NSMCE2: variants seen among roughly 807,000 people sequenced by gnomAD.
NSMCE2 encodes the protein E3 SUMO-protein ligase NSE2.
NSMCE2 carries 24 observed loss-of-function variants against 23.8 expected under a neutral mutation model. The observed-to-expected ratio is 1.01, with a 90% CI of 0.73 to 1.42. NSMCE2 has a LOEUF of 1.42. Among genes scored for constraint, NSMCE2 ranks in the 40% most tolerant of loss-of-function variants. The pLI is 0.00. For synonymous variants in NSMCE2, 92 were observed against 94.1 expected, an observed-to-expected ratio of 0.98 and a Z score of 0.13; for missense variants, 284 against 296.5, an observed-to-expected ratio of 0.96 and a Z score of 0.31.
At chr8:125,337,751 C>T (rs957312285) in intron 5 of NSMCE2, among the ~76,000 whole-genome samples, 12 of 151,874 alleles carry the variant, frequency 7.9e-5, no homozygotes, top group Non-Finnish European at 1.3e-4. Flanking sequence ...AAAAATTAGC[C>T]GGGCGTGGTG....
intron 5 of NSMCE2, among the ~76,000 whole-genome samples, chr8:125,234,012 T>TAAAAAAAAAA (rs34763403): frequency 1.4e-4 from 14 of 102,110 alleles, no homozygotes; most frequent in African/African-American, 2.2e-4. Context: ...CTGTCTCTAC[T>TAAAAAAAAAA]AAAAAAAAAA....
intron 5 of NSMCE2, among the ~76,000 whole-genome samples, chr8:125,353,955 G>A (rs1344151889): frequency 1.4e-5 from 2 of 147,280 alleles, no homozygotes; most frequent in African/African-American, 5.0e-5. Flanking sequence ...TTTTTGAGAC[G>A]GAGTCTTGCT....
chr8:125,283,265 G>A (rs1827763070), intron 5 of NSMCE2, among the ~76,000 whole-genome samples: 1 of 152,158 alleles, frequency 6.6e-6, no homozygotes, highest in Non-Finnish European at 1.5e-5. Flanking sequence ...CAGGAGATCT[G>A]GGGCTAGGCA....
chr8:125,226,753 A>G (rs1169421736), intron 5 of NSMCE2, among the ~76,000 whole-genome samples: 1 of 152,174 alleles, frequency 6.6e-6, no homozygotes, highest in African/African-American at 2.4e-5. Context: ...GGAAGTAAGC[A>G]TGAATAAAGA....
intron 5 of NSMCE2, among the ~76,000 whole-genome samples, chr8:125,196,309 C>T (rs1013611633): frequency 2.0e-5 from 3 of 151,242 alleles, no homozygotes; most frequent in Non-Finnish European, 4.4e-5. Flanking sequence ...CCCATCAACT[C>T]GTCATTTACA....
chr8:125,347,904 A>C (rs1165172282), intron 5 of NSMCE2, among the ~76,000 whole-genome samples: 1 of 152,226 alleles, frequency 6.6e-6, no homozygotes, highest in South Asian at 2.1e-4. Flanking sequence ...GGTGGCAATG[A>C]ATGAAATGCT....
At chr8:125,268,245 A>G (rs949275542) in intron 5 of NSMCE2, among the ~76,000 whole-genome samples, 2 of 152,080 alleles carry the variant, frequency 1.3e-5, no homozygotes, top group African/African-American at 2.4e-5. Context: ...AGGAAGAAAA[A>G]AAAAAAGTAT....
chr8:125,140,962 C>T (rs1820343032), intron 3 of NSMCE2, among the ~76,000 whole-genome samples: 1 of 152,180 alleles, frequency 6.6e-6, no homozygotes, highest in Non-Finnish European at 1.5e-5. Flanking sequence ...AAATGAAAGA[C>T]ACCTGGCCGT....
At position 125,201,995 on chromosome 8, in the gene NSMCE2, C is replaced by T. The variant is rs374316374; in HGVS notation, c.418+19739C>T. ...GCTGCTGCGCTAGCAGTGAGCAAGG[C>T]TCCGTCGGCATGGGACCTGCCAAGC... On this transcript the variant is annotated intron_variant, in intron 5 of 7. Transcript: ENST00000287437. Among the ~76,000 whole-genome samples the T allele has an allele frequency of 7.9e-5, 12 of 152,368 alleles. No homozygotes were observed. The South Asian group carries it at 2.5e-3, about 32-fold the overall frequency.
chr8:125,348,277 T>G (rs1296860108), intron 5 of NSMCE2: 2 of 152,170 alleles, frequency 1.3e-5, no homozygotes. Context: ...CTTATTGTGT[T>G]CTAGCCATTT....
Position 125,151,221 on chromosome 8 carries a change from A to G in NSMCE2, c.208A>G (p.Thr70Ala). The G allele has an allele frequency of 1.9e-6, 3 of 1,610,512 alleles. No homozygotes were observed. Among genetic ancestry groups the G allele is most frequent in the East Asian group, 2.2e-5 (1 of 44,782 alleles). Residue 70 changes from threonine to alanine, a missense_variant, in exon 4 of 8, where the codon ACA (threonine) becomes GCA (alanine). By Grantham distance (58) the Thr-to-Ala change is moderately conservative (BLOSUM62 0). This residue lies in a region of NSMCE2 where 182 missense variants were observed against 155.5 expected (regional missense o/e 1.17). Transcript: ENST00000287437. ...SMDKAMVEFA[T>A]LDRQLNHYVK... ...GGACAAGGCAATGGTTGAATTTGCT[A>G]CATTGGATCGGCAACTAAACCATTA...
intron 4 of NSMCE2, among the ~76,000 whole-genome samples, chr8:125,176,815 C>T (rs1465592481): frequency 6.6e-6 from 1 of 152,222 alleles, no homozygotes; most frequent in African/African-American, 2.4e-5. Context: ...TCTTACCTGG[C>T]AGCAGACATC....
At chr8:125,194,828 G>A (rs1250491094) in intron 5 of NSMCE2, among the ~76,000 whole-genome samples, 2 of 152,130 alleles carry the variant, frequency 1.3e-5, no homozygotes, top group African/African-American at 4.8e-5. Context: ...ATTCTAATAA[G>A]TATGTAGTGA....
chr8:125,358,242 A>G (rs1366174453), intron 7 of NSMCE2, among the ~76,000 whole-genome samples: 5 of 151,924 alleles, frequency 3.3e-5, no homozygotes, highest in Non-Finnish European at 4.4e-5. Context: ...CTGAGGCAGG[A>G]TAATCTCTTG....
intron 7 of NSMCE2, among the ~76,000 whole-genome samples, 166 bp downstream of exon 7, chr8:125,357,984 G>A (rs1813358440): frequency 6.6e-6 from 1 of 152,138 alleles, no homozygotes; most frequent in Non-Finnish European, 1.5e-5. Flanking sequence ...AATACATGAG[G>A]GAAAAATTAG....
chr8:125,161,037 A>AGG (rs1449923663), intron 4 of NSMCE2, among the ~76,000 whole-genome samples: 8 of 152,194 alleles, frequency 5.3e-5, no homozygotes. Flanking sequence ...ATATAAATGG[A>AGG]GAGTATGTGA....
chr8:125,359,532 C>T (rs1176150187), intron 7 of NSMCE2, among the ~76,000 whole-genome samples: 1 of 151,866 alleles, frequency 6.6e-6, no homozygotes. Context: ...GGGGTTTCTC[C>T]ATGTTGGCCA....
intron 5 of NSMCE2, among the ~76,000 whole-genome samples, chr8:125,212,688 A>G (rs1462191229): frequency 6.6e-6 from 1 of 152,214 alleles, no homozygotes; most frequent in Non-Finnish European, 1.5e-5. Context: ...ACTGACTTGG[A>G]TAATCTAAAT....
chr8:125,350,231 G>A (rs573610928), intron 5 of NSMCE2, among the ~76,000 whole-genome samples: 2 of 152,318 alleles, frequency 1.3e-5, no homozygotes, highest in East Asian at 3.9e-4. Flanking sequence ...GAACAAGAGT[G>A]ATGTGATAGA....
Sources: gnomAD v4.1 joint callset for allele counts (sites outside exome capture counted in the v4.1 genomes callset) on GRCh38, gnomAD v4.1.1 for gene constraint, gnomAD v4.1.1 regional missense constraint, MANE v1.5 for transcripts, NCBI Gene and HGNC (gene_info 2026-07-23, HGNC 2026-07-21) for gene names.